The following PDE11A variants were observed in gnomAD, a reference collection of about 807,000 sequenced individuals.
PDE11A encodes dual 3',5'-cyclic-AMP and -GMP phosphodiesterase 11A.
In PDE11A, 100 loss-of-function variants were observed where a neutral mutation model predicts 100.5. The observed-to-expected ratio is 1.00, with a 90% CI of 0.85 to 1.18. The LOEUF (loss-of-function observed/expected upper bound fraction) is 1.18. PDE11A is among the 50% of genes most tolerant of loss of function. The probability of loss-of-function intolerance (pLI) is 0.00; values close to 1 mark genes in which losing one functional copy is unlikely to be tolerated. For synonymous variants in PDE11A, 381 were observed against 420.8 expected (o/e 0.91, Z 1.16); for missense variants, 1,141 against 1,152.6 (o/e 0.99, Z 0.15).
intron 10 of PDE11A, among the ~76,000 whole-genome samples, chr2:177,753,776 TG>T (rs1027026966): frequency 3.3e-5 from 5 of 150,786 alleles, no homozygotes; most frequent in African/African-American, 1.2e-4. Flanking sequence ...CAGATAAGAT[TG>T]GGGGGGCCAA....
chr2:177,846,959 T>C (rs2083611311), intron 5 of PDE11A, among the ~76,000 whole-genome samples: 1 of 152,178 alleles, frequency 6.6e-6, no homozygotes, highest in Non-Finnish European at 1.5e-5. Flanking sequence ...GTTCCATGGT[T>C]TGTGGCCACA....
Position 177,817,929 on chromosome 2 carries a change from T to TG in PDE11A, c.1577-5dup. 3 of 1,387,328 alleles carry TG rather than the reference T, an allele frequency of 2.2e-6. No individual in the cohort carries two copies. Among genetic ancestry groups the TG allele is most frequent in the Non-Finnish European group, 3.1e-6 (3 of 976,058 alleles). The allele number at this position is 1,387,328 out of a possible 1,614,324, so 85.9% of individuals were successfully genotyped here. A position where few individuals can be genotyped will look rare whatever the true frequency, so the allele number is the denominator to read the frequency against. On this transcript the variant is annotated splice_polypyrimidine_tract_variant and splice_region_variant and intron_variant, in intron 7 of 19. Transcript: ENST00000286063. Reference sequence around the variant, plus strand: ...CTGTTTAACACTTGAGCCACTCCTATGGGGAAAGAGTGGATTATGTGGTCA... The same window carrying TG: ...CTGTTTAACACTTGAGCCACTCCTATGGGGGAAAGAGTGGATTATGTGGTCA...
At chr2:177,840,484 A>T in intron 5 of PDE11A, 101 bp from the exon 6 acceptor site, 1 of 1,066,246 alleles carries the variant, frequency 9.4e-7, no homozygotes, top group East Asian at 2.4e-5. Flanking sequence ...ATCTGTCCTT[A>T]TTAAGAAAAA....
In PDE11A at chr2:177,637,999, T is replaced by TATATATA. The variant is rs1559120768; in HGVS notation, c.2647-8438_2647-8437insTATATAT. 5.3e-3 allele frequency among the ~76,000 whole-genome samples: 189 copies of TATATATA among 35,340 alleles called. 2 individuals are homozygous for TATATATA. The highest frequency in any genetic ancestry group is 0.014 in the African/African-American group (131 of 9,618). The allele number at this position is 35,340 out of a possible 152,430, so 23.2% of individuals were successfully genotyped here. ...CACGTGTATATATATATATATATATTTTTTTTTTTTTTTTTTTTGAGATGG... is the reference window on the plus strand; with the variant it reads ...CACGTGTATATATATATATATATATTATATATATTTTTTTTTTTTTTTTTTGAGATGG... On this transcript the variant is annotated intron_variant, in intron 19 of 19. Coordinates refer to ENST00000286063, the MANE Select transcript of PDE11A (RefSeq NM_016953.4).
intron 1 of PDE11A, among the ~76,000 whole-genome samples, chr2:178,026,560 C>A (rs941951948): frequency 1.3e-5 from 2 of 151,454 alleles, no homozygotes; most frequent in Non-Finnish European, 2.9e-5. Flanking sequence ...ACTCAGGAGG[C>A]TGAGGCAGGA....
chr2:178,066,999 C>T (rs1165886603), intron 1 of PDE11A, among the ~76,000 whole-genome samples: 1 of 152,156 alleles, frequency 6.6e-6, no homozygotes, highest in Non-Finnish European at 1.5e-5. Flanking sequence ...TTCCCCTTAA[C>T]CCAGCTTCTC....
intron 15 of PDE11A, among the ~76,000 whole-genome samples, chr2:177,690,538 T>C (rs2081027065): frequency 6.6e-6 from 1 of 152,244 alleles, no homozygotes; most frequent in Non-Finnish European, 1.5e-5. Context: ...ATCTAATTTT[T>C]AAAAGAATTG....
intron 1 of PDE11A, among the ~76,000 whole-genome samples, chr2:178,047,492 A>G (rs2086766695): frequency 6.6e-6 from 1 of 151,486 alleles, no homozygotes; most frequent in Admixed American, 6.6e-5. Flanking sequence ...ACCCAGTGGC[A>G]GTATCAAAGA....
intron 19 of PDE11A, among the ~76,000 whole-genome samples, chr2:177,651,601 C>T (rs2080309876): frequency 6.6e-6 from 1 of 150,782 alleles, no homozygotes; most frequent in Non-Finnish European, 1.5e-5. Flanking sequence ...CCCTTACTGC[C>T]TCCTCTTAGG....
intron 2 of PDE11A, among the ~76,000 whole-genome samples, chr2:177,995,268 T>C (rs2086056285): frequency 6.6e-6 from 1 of 152,036 alleles, no homozygotes; most frequent in Admixed American, 6.5e-5. Context: ...GGAGTTTAGG[T>C]TCAGCTTACA....
intron 16 of PDE11A, chr2:177,676,114 C>T (rs960132441): frequency 5.8e-6 from 1 of 173,572 alleles, no homozygotes; most frequent in Admixed American, 5.4e-5. Flanking sequence ...ACATACTCAG[C>T]TCCAGCTCTC....
Position 177,728,119 on chromosome 2 carries a change from A to G in PDE11A, c.1842T>C (p.Asp614=), listed in dbSNP as rs747340231. 8 of 1,612,894 alleles carry G rather than the reference A, an allele frequency of 5.0e-6. No individual in the cohort carries two copies. Among genetic ancestry groups the G allele is most frequent in the South Asian group, 4.4e-5 (4 of 91,056 alleles). Residue 614 remains aspartate, a synonymous_variant, in exon 11 of 20, where the codon GAT becomes GAC. Transcript: ENST00000286063. Reference sequence around the variant, plus strand: ...TGGCATCAACGTCGAGAGAAAAGTCATCAAAATGAATGTCATCGATGGCAA... The same window carrying G: ...TGGCATCAACGTCGAGAGAAAAGTCGTCAAAATGAATGTCATCGATGGCAA... ...SELAIDDIHF[D]DFSLDVDAMI... is the part of the protein sequence containing the mutation.
intron 9 of PDE11A, among the ~76,000 whole-genome samples, chr2:177,798,593 C>G (rs1345576830): frequency 6.6e-6 from 1 of 152,206 alleles, no homozygotes; most frequent in Non-Finnish European, 1.5e-5. Context: ...TTTGTGCATA[C>G]ACATAAGTTC....
At chr2:178,084,209 G>T (rs2087321549) in intron 2 of PDE11A, among the ~76,000 whole-genome samples, 1 of 152,060 alleles carries the variant, frequency 6.6e-6, no homozygotes, top group Admixed American at 6.6e-5. Flanking sequence ...AACACTCCAA[G>T]GTAAAAAGAC....
chr2:177,745,651 C>T (rs1213781387), intron 10 of PDE11A, among the ~76,000 whole-genome samples: 1 of 152,204 alleles, frequency 6.6e-6, no homozygotes, highest in Non-Finnish European at 1.5e-5. Context: ...ATGCTGGCCT[C>T]TCTGGGCCAC....
At chr2:177,964,823 G>A (rs1337660578) in intron 2 of PDE11A, among the ~76,000 whole-genome samples, 2 of 152,114 alleles carry the variant, frequency 1.3e-5, no homozygotes, top group East Asian at 1.9e-4. Flanking sequence ...CTAGTGCTGC[G>A]ATGAACGTGC....
chr2:177,731,194 T>A (rs2081683517), intron 10 of PDE11A, among the ~76,000 whole-genome samples: 1 of 152,240 alleles, frequency 6.6e-6, no homozygotes, highest in South Asian at 2.1e-4. Flanking sequence ...GTTTCATCTC[T>A]GTCTTCATCA....
intron 5 of PDE11A, among the ~76,000 whole-genome samples, chr2:177,858,888 CAT>C (rs1406909575): frequency 7.2e-5 from 11 of 152,084 alleles, no homozygotes; most frequent in Non-Finnish European, 1.3e-4. Context: ...AAATGTGGCA[CAT>C]ATACACCATG....
chr2:177,850,578 G>T (rs138883589), intron 5 of PDE11A, among the ~76,000 whole-genome samples: 6,184 of 151,622 alleles, frequency 0.041, 420 homozygotes, highest in African/African-American at 0.14. Context: ...CAAAAGAAAC[G>T]ACCATCAGAG....
Sources: gnomAD v4.1 joint callset for allele counts (sites outside exome capture counted in the v4.1 genomes callset) on GRCh38, gnomAD v4.1.1 for gene constraint, MANE v1.5 for transcripts, NCBI Gene and HGNC (gene_info 2026-07-23, HGNC 2026-07-21) for gene names.